SLC67A1: variants seen among roughly 807,000 people sequenced by gnomAD.
SLC67A1 encodes solute carrier family 67 member 1.
chr11:2,922,326 A>C, the SLC67A1 span: 35 of 1,527,974 alleles, frequency 2.3e-5, no homozygotes, highest in South Asian at 3.7e-4. Flanking sequence ...ACCCGGGGCC[A>C]GCTCTTCAGC....
chr11:2,915,794 C>G, the SLC67A1 span, among the ~76,000 whole-genome samples: 1 of 152,240 alleles, frequency 6.6e-6, no homozygotes, highest in African/African-American at 2.4e-5. Flanking sequence ...TCCTGTCTCT[C>G]CCTGAGGGGA....
chr11:2,903,718 A>G, the SLC67A1 span: 22 of 580,662 alleles, frequency 3.8e-5, no homozygotes, highest in Admixed American at 1.8e-4. Flanking sequence ...GGGAGAAGCC[A>G]TGGGGAGCCA....
chr11:2,919,412 G>A, the SLC67A1 span: 9 of 1,610,964 alleles, frequency 5.6e-6, no homozygotes, highest in South Asian at 8.8e-5. Context: ...CAGATGGTGA[G>A]TGGGCACACA....
the SLC67A1 span, chr11:2,921,124 G>C: frequency 6.6e-6 from 1 of 151,434 alleles, no homozygotes; most frequent in Non-Finnish European, 1.5e-5. Flanking sequence ...CCAGCTACTC[G>C]GGAGGCTGAC....
chr11:2,909,211 C>T, the SLC67A1 span: 2 of 1,536,560 alleles, frequency 1.3e-6, no homozygotes, highest in African/African-American at 1.4e-5. Context: ...CAGACCAGCG[C>T]GGGGCGCGGG....
At chr11:2,922,093 T>G in the SLC67A1 span, 19 of 1,606,992 alleles carry the variant, frequency 1.2e-5, no homozygotes, top group African/African-American at 2.4e-4. Context: ...CCTCTCTGTC[T>G]GGCTCTAGGT....
the SLC67A1 span, chr11:2,902,404 C>G: frequency 1.1e-5 from 2 of 174,542 alleles, no homozygotes; most frequent in African/African-American, 2.4e-5. Context: ...CTCTGAGCCC[C>G]GAACCCCGAA....
the SLC67A1 span, chr11:2,914,903 T>C: frequency 1.0e-6 from 1 of 985,312 alleles, no homozygotes; most frequent in African/African-American, 1.7e-5. Context: ...CATCTGTGCC[T>C]GCTGGCTGGA....
chr11:2,918,124 G>A, the SLC67A1 span: 136 of 1,573,492 alleles, frequency 8.6e-5, 5 homozygotes, highest in South Asian at 8.5e-4. Context: ...CCCAACAGCG[G>A]CCAGAGCCTG....
At chr11:2,902,446 A>T in the SLC67A1 span, 2 of 263,594 alleles carry the variant, frequency 7.6e-6, no homozygotes, top group Non-Finnish European at 1.2e-5. Flanking sequence ...CTGCCCAATG[A>T]GGTGCCCCTG....
the SLC67A1 span, among the ~76,000 whole-genome samples, chr11:2,901,264 T>C: frequency 6.6e-6 from 1 of 152,236 alleles, no homozygotes; most frequent in Non-Finnish European, 1.5e-5. Flanking sequence ...ACTCCCACGG[T>C]GACTTGGAAT....
chr11:2,908,171 C>T, the SLC67A1 span: 4,121 of 1,207,028 alleles, frequency 3.4e-3, 100 homozygotes, highest in African/African-American at 0.056. Context: ...ATCCAGGGAC[C>T]CCAGATTCTA....
At chr11:2,914,729 C>A in the SLC67A1 span, 32 of 985,342 alleles carry the variant, frequency 3.2e-5, no homozygotes, top group African/African-American at 1.7e-5. Context: ...AGTGGTGCGT[C>A]TGCTCCTGTG....
chr11:2,905,132 G>A, the SLC67A1 span, among the ~76,000 whole-genome samples: 1 of 152,188 alleles, frequency 6.6e-6, no homozygotes, highest in Non-Finnish European at 1.5e-5. Flanking sequence ...GTGGAGAGCC[G>A]AAGGGAGCTG....
the SLC67A1 span, chr11:2,903,635 G>T: frequency 2.4e-6 from 2 of 838,912 alleles, no homozygotes; most frequent in South Asian, 1.6e-5. Context: ...CCACGCTTAA[G>T]CTGAGTAAGT....
the SLC67A1 span, among the ~76,000 whole-genome samples, chr11:2,902,035 G>A: frequency 1.3e-5 from 2 of 152,216 alleles, no homozygotes; most frequent in Admixed American, 6.5e-5. Flanking sequence ...CCAGCAGCCC[G>A]GGCACCGGGC....
chr11:2,921,518 G>T, the SLC67A1 span: 3 of 167,072 alleles, frequency 1.8e-5, no homozygotes, highest in Admixed American at 1.9e-4. Flanking sequence ...ACCAGATAGA[G>T]AGCCTCGCCC....
the SLC67A1 span, among the ~76,000 whole-genome samples, chr11:2,902,024 T>C: frequency 1.2e-4 from 18 of 152,032 alleles, no homozygotes; most frequent in African/African-American, 4.3e-4. Flanking sequence ...AGTGTCCACC[T>C]CCAGCAGCCC....
chr11:2,908,675 G>A, the SLC67A1 span, among the ~76,000 whole-genome samples: 1 of 152,320 alleles, frequency 6.6e-6, no homozygotes, highest in African/African-American at 2.4e-5. Flanking sequence ...GGAACACTGA[G>A]CTTGAGAGAG....
Sources: allele counts gnomAD v4.1 joint callset (sites outside exome capture counted in the v4.1 genomes callset), GRCh38; gene constraint gnomAD v4.1.1; transcripts MANE v1.5; gene names NCBI Gene and HGNC (gene_info 2026-07-23, HGNC 2026-07-21).